L3HYPDH: variants seen among roughly 807,000 people sequenced by gnomAD.
L3HYPDH encodes trans-L-3-hydroxyproline dehydratase.
L3HYPDH carries 32 observed loss-of-function variants against 26.5 expected under a neutral mutation model. The ratio of observed to expected loss-of-function variants is 1.21; its 90% CI spans 0.91 to 1.62. The LOEUF is 1.62. Among genes scored for constraint, L3HYPDH ranks in the 40% most tolerant of loss-of-function variants. L3HYPDH has a pLI of 0.00. For missense variants in L3HYPDH, 554 were observed against 476.4 expected (o/e 1.16, Z -1.52); for synonymous variants, 215 against 196.6 (o/e 1.09, Z -0.78).
intron 4 of L3HYPDH, among the ~76,000 whole-genome samples, 171 bp from the exon 5 acceptor site, chr14:59,473,261 C>T (rs1889393931): frequency 6.6e-6 from 1 of 152,092 alleles, no homozygotes; most frequent in Admixed American, 6.6e-5. Flanking sequence ...TTTTAGATAA[C>T]TGTAGCTGTA....
chr14:59,487,601 T>C, upstream of L3HYPDH: 3 of 1,128,928 alleles, frequency 2.7e-6, no homozygotes, highest in Non-Finnish European at 4.0e-6. Context: ...GGATGTCTTA[T>C]AGAATGATTT....
the L3HYPDH span, chr14:59,494,896 CG>C: frequency 1.5e-6 from 1 of 672,158 alleles, no homozygotes; most frequent in African/African-American, 1.8e-5. Flanking sequence ...AGGTTATACT[CG>C]AGTAGTTTTT....
intron 1 of L3HYPDH, among the ~76,000 whole-genome samples, chr14:59,479,817 T>C (rs1889887160): frequency 6.6e-6 from 1 of 152,224 alleles, no homozygotes; most frequent in Non-Finnish European, 1.5e-5. Flanking sequence ...TAATAAAAGA[T>C]TTTTCTATAT....
the L3HYPDH span, chr14:59,495,283 T>G: frequency 7.5e-7 from 1 of 1,337,748 alleles, no homozygotes; most frequent in Admixed American, 1.8e-5. Context: ...AGGATTATTA[T>G]AGATTTTATG....
At chr14:59,476,242 C>A (rs1473810642) in intron 2 of L3HYPDH, 28 bp from the exon 3 acceptor site, 3 of 1,483,230 alleles carry the variant, frequency 2.0e-6, no homozygotes, top group East Asian at 4.5e-5. Flanking sequence ...AGATCACATG[C>A]AAAATAAATA....
upstream of L3HYPDH, chr14:59,487,880 T>C (rs1251073849): frequency 2.6e-6 from 4 of 1,519,434 alleles, no homozygotes; most frequent in Non-Finnish European, 3.7e-6. Flanking sequence ...GGAATAATTA[T>C]CACTCAGAAG....
rs370183216 is a variant in L3HYPDH, at chr14:59,476,168, C to T, written c.725G>A (p.Gly242Glu). The change falls in exon 3 of 5, where the codon GGA (glycine) becomes GAA (glutamate). Residue 242 changes from glycine to glutamate, a missense_variant. Gly to Glu is a moderately conservative substitution (Grantham distance 98, BLOSUM62 -2). Transcript: ENST00000247194. ...ATCTTTTCCATCTGTTAATATAGTT[C>T]CATATAAAAAGGCAAGGTCTTCACT... ...PDSEDLAFLY[G>E]TILTDGKDAY... is the part of the protein sequence containing the mutation. 4.3e-6 allele frequency: 7 copies of T among 1,612,662 alleles called. No homozygotes were observed. The highest frequency in any genetic ancestry group is 5.9e-6 in the Non-Finnish European group (7 of 1,179,116).
chr14:59,503,393 G>GC, the L3HYPDH span, among the ~76,000 whole-genome samples: 1 of 152,160 alleles, frequency 6.6e-6, no homozygotes, highest in Non-Finnish European at 1.5e-5. Context: ...TGTCATTTCT[G>GC]CCCCCTTACT....
chr14:59,504,081 A>G, the L3HYPDH span: 1 of 1,575,280 alleles, frequency 6.3e-7, no homozygotes, highest in Non-Finnish European at 8.7e-7. Context: ...GAGTGTAGAC[A>G]TGTGAAATGC....
chr14:59,471,893 GA>G (rs1889321644), downstream of L3HYPDH, among the ~76,000 whole-genome samples: 1 of 152,136 alleles, frequency 6.6e-6, no homozygotes, highest in Non-Finnish European at 1.5e-5. Context: ...GAGAATGAGT[GA>G]AAAACATCCT....
chr14:59,480,482 C>A (rs1447624849), intron 1 of L3HYPDH, among the ~76,000 whole-genome samples: 1 of 152,202 alleles, frequency 6.6e-6, no homozygotes, highest in Non-Finnish European at 1.5e-5. Context: ...TTTTAAGAAA[C>A]CTTTGCTCAC....
chr14:59,484,360 T>C lies in L3HYPDH; in HGVS notation c.-44A>G. 6.5e-7 allele frequency: 1 copy of C among 1,537,196 alleles called. No individual in the cohort carries two copies. The highest frequency in any genetic ancestry group is 1.2e-5 in the South Asian group (1 of 82,896). ...CGAGTACGGTCCCGCAGCTATGGCT[T>C]CAAGCCCGACCCTCACCCACTGACT... On this transcript the variant is annotated 5_prime_UTR_variant, in exon 1 of 5. Coordinates refer to ENST00000247194, the MANE Select transcript of L3HYPDH (RefSeq NM_144581.2).
At chr14:59,491,537 G>A in the L3HYPDH span, among the ~76,000 whole-genome samples, 1 of 152,196 alleles carries the variant, frequency 6.6e-6, no homozygotes, top group African/African-American at 2.4e-5. Context: ...ATTATGTAAT[G>A]TGAATGTGTG....
At chr14:59,479,967 A>T (rs1889898537) in intron 1 of L3HYPDH, among the ~76,000 whole-genome samples, 1 of 152,194 alleles carries the variant, frequency 6.6e-6, no homozygotes, top group African/African-American at 2.4e-5. Context: ...TTAAGTCTCA[A>T]CATCCCCAAA....
chr14:59,500,061 A>C, the L3HYPDH span, among the ~76,000 whole-genome samples: 1 of 152,168 alleles, frequency 6.6e-6, no homozygotes, highest in Non-Finnish European at 1.5e-5. Flanking sequence ...ATTCCTTTTT[A>C]CTGTATATGG....
upstream of L3HYPDH, chr14:59,487,614 G>T: frequency 8.0e-7 from 1 of 1,246,612 alleles, no homozygotes; most frequent in Non-Finnish European, 1.2e-6. Flanking sequence ...AATGATTTGG[G>T]GGGGTGTTAA....
the L3HYPDH span, among the ~76,000 whole-genome samples, chr14:59,495,537 T>G: frequency 1.3e-5 from 2 of 152,192 alleles, no homozygotes; most frequent in Non-Finnish European, 2.9e-5. Flanking sequence ...TGTTTTTTCT[T>G]TTTTTCTCCC....
chr14:59,485,367 C>T (rs974215281), upstream of L3HYPDH: 1 of 384,544 alleles, frequency 2.6e-6, no homozygotes, highest in African/African-American at 2.1e-5. Flanking sequence ...ATTAAAGAGG[C>T]CAGTGGGTTT....
the L3HYPDH span, among the ~76,000 whole-genome samples, chr14:59,491,407 G>C: frequency 6.6e-6 from 1 of 152,178 alleles, no homozygotes; most frequent in Admixed American, 6.5e-5. Flanking sequence ...GCTGTAGATA[G>C]GTTGAAAGAG....
Sources: allele counts gnomAD v4.1 joint callset (sites outside exome capture counted in the v4.1 genomes callset), GRCh38; gene constraint gnomAD v4.1.1; transcripts MANE v1.5; gene names NCBI Gene and HGNC (gene_info 2026-07-23, HGNC 2026-07-21).